TMPRSS15: variants seen among roughly 807,000 people sequenced by gnomAD.
TMPRSS15 encodes the protein transmembrane serine protease 15, also known as enteropeptidase.
TMPRSS15 carries 128 observed loss-of-function variants against 125.3 expected under a neutral mutation model. The observed-to-expected ratio is 1.02, with a 90% CI of 0.89 to 1.18. The LOEUF is 1.18. TMPRSS15 is among the 50% of genes most tolerant of loss of function. TMPRSS15 has a pLI of 0.00. For synonymous variants in TMPRSS15, 446 were observed against 423.2 expected (o/e 1.05, Z -0.66); for missense variants, 1,283 against 1,212.7 (o/e 1.06, Z -0.86).
At chr21:18,476,104 C>T (rs1485769600) in intron 1 of TMPRSS15, among the ~76,000 whole-genome samples, 1 of 152,066 alleles carries the variant, frequency 6.6e-6, no homozygotes, top group Admixed American at 6.6e-5. Context: ...ATTATAGGGA[C>T]ATTCTAACAG....
chr21:18,368,417 G>T (rs1472856211), intron 6 of TMPRSS15, among the ~76,000 whole-genome samples: 1 of 152,192 alleles, frequency 6.6e-6, no homozygotes, highest in African/African-American at 2.4e-5. Context: ...ATGAACGATT[G>T]TAAAAGTCAC....
chr21:18,298,817 C>T (rs1039852854), intron 18 of TMPRSS15, among the ~76,000 whole-genome samples: 2 of 152,136 alleles, frequency 1.3e-5, no homozygotes, highest in Non-Finnish European at 2.9e-5. Context: ...CTTCCCCAGG[C>T]TATTGCCAAC....
chr21:18,464,815 A>C (rs1455476655), intron 1 of TMPRSS15, among the ~76,000 whole-genome samples: 1 of 152,130 alleles, frequency 6.6e-6, no homozygotes, highest in Non-Finnish European at 1.5e-5. Flanking sequence ...ATTCACAGCC[A>C]ATTTCTACCA....
intron 23 of TMPRSS15, among the ~76,000 whole-genome samples, chr21:18,278,685 G>A (rs901788274): frequency 6.6e-6 from 1 of 152,236 alleles, no homozygotes; most frequent in Admixed American, 6.5e-5. Flanking sequence ...TGGCGCCACT[G>A]CACTCCAGCC....
At chr21:18,282,511 C>T (rs755457094) in intron 21 of TMPRSS15, among the ~76,000 whole-genome samples, 2 of 152,156 alleles carry the variant, frequency 1.3e-5, no homozygotes, top group African/African-American at 2.4e-5. Context: ...AAGTTACTTA[C>T]ATCTATCTAT....
chr21:18,278,563 C>CA (rs534603333), intron 23 of TMPRSS15, among the ~76,000 whole-genome samples: 2,028 of 150,774 alleles, frequency 0.013, 34 homozygotes, highest in African/African-American at 0.046. Context: ...ACTAAAAATA[C>CA]AAAAAAAATT....
intron 16 of TMPRSS15, among the ~76,000 whole-genome samples, chr21:18,317,803 CCA>C (rs544895531): frequency 0.31 from 31,279 of 102,224 alleles, 7,423 homozygotes; most frequent in East Asian, 0.4. Flanking sequence ...CCATCCCATC[CCA>C]TCCCATCCCA....
chr21:18,407,724 G>A (rs1468127298), upstream of TMPRSS15, among the ~76,000 whole-genome samples: 1 of 152,162 alleles, frequency 6.6e-6, no homozygotes, highest in African/African-American at 2.4e-5. Context: ...TTACAAAAAT[G>A]TCCCCATTAG....
chr21:18,463,048 T>A (rs977941290), intron 1 of TMPRSS15, among the ~76,000 whole-genome samples: 1 of 151,706 alleles, frequency 6.6e-6, no homozygotes, highest in Non-Finnish European at 1.5e-5. Flanking sequence ...TTTTAACATA[T>A]TTAGCATAAT....
At chr21:18,484,245 C>G (rs1483900517) in intron 1 of TMPRSS15, among the ~76,000 whole-genome samples, 1 of 151,804 alleles carries the variant, frequency 6.6e-6, no homozygotes, top group Non-Finnish European at 1.5e-5. Context: ...AATTTACTCA[C>G]AATTCACAGG....
At chr21:18,375,182 G>A (rs2075831064) in intron 5 of TMPRSS15, among the ~76,000 whole-genome samples, 1 of 152,106 alleles carries the variant, frequency 6.6e-6, no homozygotes, top group Admixed American at 6.5e-5. Flanking sequence ...AAATATGAAT[G>A]TGATTCTTAT....
chr21:18,308,674 G>A (rs2146928365), intron 18 of TMPRSS15, among the ~76,000 whole-genome samples: 1 of 151,526 alleles, frequency 6.6e-6, no homozygotes, highest in African/African-American at 2.4e-5. Context: ...CATGTGCCAT[G>A]GTAGTTTGCT....
At chr21:18,389,694 T>C (rs1318086912) in intron 3 of TMPRSS15, among the ~76,000 whole-genome samples, 2 of 152,160 alleles carry the variant, frequency 1.3e-5, no homozygotes, top group African/African-American at 4.8e-5. Flanking sequence ...TTTTGACCAT[T>C]AAATAAGCTT....
chr21:18,367,801 C>T (rs1245790615), intron 6 of TMPRSS15, among the ~76,000 whole-genome samples: 1 of 152,082 alleles, frequency 6.6e-6, no homozygotes, highest in Non-Finnish European at 1.5e-5. Flanking sequence ...AACTGAGGCA[C>T]ATATGGGTTA....
At chr21:18,402,491 T>C (rs2123143226) in intron 1 of TMPRSS15, among the ~76,000 whole-genome samples, 1 of 130,452 alleles carries the variant, frequency 7.7e-6, no homozygotes. Flanking sequence ...ATCGTGCCAC[T>C]GCACTCCAGC....
chr21:18,288,994 T>C (rs539695781), intron 21 of TMPRSS15, among the ~76,000 whole-genome samples: 5 of 152,156 alleles, frequency 3.3e-5, no homozygotes, highest in African/African-American at 4.8e-5. Flanking sequence ...ATTATATGTA[T>C]ATTTTAGGAT....
intron 1 of TMPRSS15, 31 bp from the exon 2 acceptor site, chr21:18,398,360 G>A (rs1217065459): frequency 4.3e-6 from 7 of 1,610,860 alleles, no homozygotes; most frequent in Non-Finnish European, 2.5e-6. Flanking sequence ...AAAACACTAA[G>A]ATTTTGGATT....
At chr21:18,291,024 C>T (rs1406618366) in intron 21 of TMPRSS15, among the ~76,000 whole-genome samples, 1 of 152,178 alleles carries the variant, frequency 6.6e-6, no homozygotes, top group Non-Finnish European at 1.5e-5. Context: ...TTGTGCAAGA[C>T]TTGGCGTCTT....
intron 1 of TMPRSS15, among the ~76,000 whole-genome samples, chr21:18,457,443 C>T (rs561204143): frequency 3.3e-5 from 5 of 152,156 alleles, no homozygotes; most frequent in African/African-American, 9.6e-5. Flanking sequence ...GGAATGGGTG[C>T]TGATGGGGAC....
Sources: gnomAD v4.1 joint callset for allele counts (sites outside exome capture counted in the v4.1 genomes callset) on GRCh38, gnomAD v4.1.1 for gene constraint, MANE v1.5 for transcripts, NCBI Gene and HGNC (gene_info 2026-07-23, HGNC 2026-07-21) for gene names.